The following INTS1 variants were observed in gnomAD, a reference collection of about 807,000 sequenced individuals.
The protein encoded by INTS1 is integrator complex subunit 1.
A neutral mutation model predicts 241.6 loss-of-function variants in INTS1; 137 were observed. That is an observed-to-expected ratio of 0.57 (90% CI 0.49 to 0.65). The LOEUF is 0.65. Among genes scored for constraint, INTS1 ranks in the 30% least tolerant of loss-of-function variants. The probability of loss-of-function intolerance (pLI) is 0.00; values close to 1 mark genes in which losing one functional copy is unlikely to be tolerated. For synonymous variants in INTS1, 1,692 were observed against 1,337.8 expected (o/e 1.26, Z -5.78); for missense variants, 3,073 against 3,032.2 (o/e 1.01, Z -0.32).
At chr7:1,499,772 C>A (rs1436375929) in intron 5 of INTS1, 112 bp downstream of exon 5, 1 of 1,466,958 alleles carries the variant, frequency 6.8e-7, no homozygotes. Flanking sequence ...GCCATCACCA[C>A]CAGGGCTGTC....
Position 1,495,470 on chromosome 7 carries a change from A to C in INTS1, c.1795T>G (p.Ser599Ala), listed in dbSNP as rs1011073731. Reference protein sequence around the residue: ...AVWWLHTVVPSISKLAPKDYV... With the variant: ...AVWWLHTVVPAISKLAPKDYV... ...TCCTTAGGGGCGAGCTTGCTGATGG[A>C]GGGGACCACAGTGTGGAGCCACCAG... The change falls in exon 13 of 48, where the codon TCC (serine) becomes GCC (alanine). Residue 599 changes from serine to alanine, a missense_variant. Transcript: ENST00000404767. 6.2e-7 allele frequency: 1 copy of C among 1,612,488 alleles called. No homozygotes were observed. The highest frequency in any genetic ancestry group is 8.5e-7 in the Non-Finnish European group (1 of 1,179,652).
chr7:1,480,932 A>G lies in INTS1; in HGVS notation c.3852T>C (p.Asn1284=). 1 of 1,576,162 alleles carries G rather than the reference A, an allele frequency of 6.3e-7. No homozygotes were observed. Among genetic ancestry groups the G allele is most frequent in the Non-Finnish European group, 8.6e-7 (1 of 1,161,940 alleles). ...QTLEQNIMDK[N]YMAHLVEVQH... is the part of the protein sequence containing the mutation. ...GGACCTCCACCAGGTGGGCCATGTAATCTGCAAACCGTAGCAGGGTCACAC... is the reference window on the plus strand; with the variant it reads ...GGACCTCCACCAGGTGGGCCATGTAGTCTGCAAACCGTAGCAGGGTCACAC... Residue 1284 remains asparagine (N), a splice_region_variant and synonymous_variant, in exon 29 of 48, where the codon AAT becomes AAC. Coordinates refer to ENST00000404767, the MANE Select transcript of INTS1 (RefSeq NM_001080453.3).
intron 8 of INTS1, 46 bp downstream of exon 8, chr7:1,498,929 T>TGCCCCCCCCCCCCCG: frequency 1.3e-6 from 2 of 1,482,472 alleles, no homozygotes; most frequent in Non-Finnish European, 1.8e-6. Flanking sequence ...ACACAGAGCC[T>TGCCCCCCCCCCCCCG]GCCCCCACCC....
chr7:1,489,527 T>C, intron 17 of INTS1, 64 bp downstream of exon 17: 1 of 1,524,138 alleles, frequency 6.6e-7, no homozygotes, highest in African/African-American at 1.4e-5. Context: ...ACAGACAAAC[T>C]GCCCCAAAGG....
Position 1,499,059 on chromosome 7 carries a change from C to G in INTS1, c.1053G>C (p.Leu351=), listed in dbSNP as rs776455689. 6.9e-6 allele frequency: 11 copies of G among 1,601,458 alleles called. No individual in the cohort carries two copies. The African/African-American group carries it at 1.5e-4, about 21-fold the overall frequency. The change falls in exon 8 of 48, where the codon CTG becomes CTC. Residue 351 remains leucine (L), a synonymous_variant. Coordinates refer to ENST00000404767, the MANE Select transcript of INTS1 (RefSeq NM_001080453.3). The part of the protein sequence containing the change: ...QPIDNVSRNL[L]RLLTSTCGYK... ...AGCCGCAGGTGGAGGTGAGGAGCCG[C>G]AGGAGGTTCCTGGAGACGTTGTCGA...
Position 1,486,731 on chromosome 7 carries a change from A to AGGTCCTGCAGGC in INTS1, c.2858_2869dup (p.Arg953_Asp956dup). 6.2e-7 allele frequency: 1 copy of AGGTCCTGCAGGC among 1,612,574 alleles called. No individual in the cohort carries two copies. The highest frequency in any genetic ancestry group is 2.2e-5 in the East Asian group (1 of 44,880). On this transcript the variant is annotated inframe_insertion, in exon 22 of 48. Coordinates refer to ENST00000404767, the MANE Select transcript of INTS1 (RefSeq NM_001080453.3). ...CTCATCAGCCTTCGGGCCCAGTAGC[A>AGGTCCTGCAGGC]GGTCCTGCAGGCGGCCCAGCAGCTG...
At position 1,499,314 on chromosome 7, in the gene INTS1, C is replaced by T. The variant is rs1386600742; in HGVS notation, c.891G>A (p.Thr297=). 3 of 1,605,066 alleles carry T rather than the reference C, an allele frequency of 1.9e-6. No homozygotes were observed. Among genetic ancestry groups the T allele is most frequent in the Non-Finnish European group, 8.5e-7 (1 of 1,175,992 alleles). The change falls in exon 7 of 48, where the codon ACG becomes ACA. Residue 297 remains threonine (T), a synonymous_variant. Coordinates refer to ENST00000404767, the MANE Select transcript of INTS1 (RefSeq NM_001080453.3). The part of the protein sequence containing the change: ...PSLTEEEDSQ[T]ELLIAEEKLS... ...GCTTCTCCTCCGCGATCAGCAACTCCGTCTGGCTGTCCTCCTCCTCCGTGA... is the reference window on the plus strand; with the variant it reads ...GCTTCTCCTCCGCGATCAGCAACTCTGTCTGGCTGTCCTCCTCCTCCGTGA...
At chr7:1,494,592 T>A in intron 14 of INTS1, 1 of 590,252 alleles carries the variant, frequency 1.7e-6, no homozygotes, top group Non-Finnish European at 3.0e-6. Flanking sequence ...GGGCTTGGAG[T>A]CACGTGGACG....
chr7:1,476,695 C>T (rs772903965), intron 36 of INTS1, 38 bp from the exon 37 acceptor site: 34 of 1,612,246 alleles, frequency 2.1e-5, no homozygotes, highest in African/African-American at 1.3e-4. Context: ...CGAGGTGTCT[C>T]GTCTCAGCAT....
chr7:1,473,325 G>T (rs1210939964), intron 42 of INTS1, 141 bp from the exon 43 acceptor site: 2 of 704,008 alleles, frequency 2.8e-6, no homozygotes, highest in East Asian at 2.7e-5. Context: ...AGGGCCGGGC[G>T]GGGAAGCCAC....
At chr7:1,472,124 C>A in intron 44 of INTS1, 149 bp downstream of exon 44, 1 of 643,878 alleles carries the variant, frequency 1.6e-6, no homozygotes, top group South Asian at 1.8e-5. Flanking sequence ...GGGGGTGCTC[C>A]CCACTGTGAG....
chr7:1,481,553 C>A lies in INTS1; in HGVS notation c.3704-65G>T. 4 of 1,518,096 alleles carry A rather than the reference C, an allele frequency of 2.6e-6. No individual in the cohort carries two copies. The highest frequency in any genetic ancestry group is 1.3e-5 in the South Asian group (1 of 79,566). 94.0% of individuals were successfully genotyped at this position (1,518,096 alleles called of 1,614,324 possible). A position where few individuals can be genotyped will look rare whatever the true frequency, so the allele number is the denominator to read the frequency against. ...GGCAATGCGCACTCGGGACCCCACCCGAGACCTGGGGCTGCCTGTGTGCAG... is the reference window on the plus strand; with the variant it reads ...GGCAATGCGCACTCGGGACCCCACCAGAGACCTGGGGCTGCCTGTGTGCAG... On this transcript the variant is annotated intron_variant, in intron 27 of 47. Coordinates refer to ENST00000404767, the MANE Select transcript of INTS1 (RefSeq NM_001080453.3). The surrounding 1 kb of genome is among the most constrained non-coding windows in gnomAD (Gnocchi z 6.8).
intron 18 of INTS1, 141 bp from the exon 19 acceptor site, chr7:1,488,098 C>T (rs765267910): frequency 2.8e-5 from 24 of 870,526 alleles, no homozygotes; most frequent in Non-Finnish European, 4.1e-5. Context: ...ACAGGGCGCC[C>T]GGTAGCATCC....
chr7:1,496,572 A>G (rs951545385), intron 11 of INTS1, among the ~76,000 whole-genome samples: 8 of 152,240 alleles, frequency 5.3e-5, no homozygotes, highest in African/African-American at 1.9e-4. Flanking sequence ...GCAGGGATCC[A>G]GAGAGAGAGC....
chr7:1,475,969 A>C lies in INTS1; in HGVS notation c.5481T>G (p.Ala1827=), dbSNP rs755042143. ...TCACCTTGCAGACGCTGCTGCTGGC[A>C]GCCCCTTCGCTGTGCAGTAGGACCT... The part of the protein sequence containing the change: ...VPEVLLHSEG[A]ASSSVCKLDG... The change falls in exon 39 of 48, where the codon GCT becomes GCG. Residue 1827 remains alanine, a synonymous_variant. Coordinates refer to ENST00000404767, the MANE Select transcript of INTS1 (RefSeq NM_001080453.3). 1 of 1,542,364 alleles carries C rather than the reference A, an allele frequency of 6.5e-7. No individual in the cohort carries two copies.
chr7:1,481,203 C>G lies in INTS1; in HGVS notation c.3850+139G>C. The G allele has an allele frequency of 9.9e-7, 1 of 1,006,012 alleles. No homozygotes were observed. The highest frequency in any genetic ancestry group is 1.5e-6 in the Non-Finnish European group (1 of 661,620). The allele number at this position is 1,006,012 out of a possible 1,614,324, so 62.3% of individuals were successfully genotyped here. ...GTGCCAGCCTCACCAACCCACAGGT[C>G]TAAGCCTGCCCTCGAGTGCCACCCA... is the stretch of plus-strand genomic sequence containing the variant. On this transcript the variant is annotated intron_variant, in intron 28 of 47. Transcript: ENST00000404767. This position sits in a 1 kb window ranked among gnomAD's most constrained non-coding sequence, Gnocchi z 6.8.
Position 1,474,198 on chromosome 7 carries a change from G to T in INTS1, c.5799C>A (p.Asp1933Glu). ...FRSEHQGALWDCLLSFIRLLL... is the reference protein window; with the variant it reads ...FRSEHQGALWECLLSFIRLLL... ...GCAGGCGGATGAAGGACAGAAGGCAGTCCCACAGCGCCCCCTGGTGCTCGC... is the reference window on the plus strand; with the variant it reads ...GCAGGCGGATGAAGGACAGAAGGCATTCCCACAGCGCCCCCTGGTGCTCGC... Residue 1933 changes from aspartate (D) to glutamate (E), a missense_variant, in exon 41 of 48, where the codon GAC becomes GAA. Physicochemically the swap from Asp to Glu is conservative, Grantham distance 45. Transcript: ENST00000404767. 1 of 1,587,504 alleles carries T rather than the reference G, an allele frequency of 6.3e-7. No individual in the cohort carries two copies. Among genetic ancestry groups the T allele is most frequent in the Non-Finnish European group, 8.6e-7 (1 of 1,169,326 alleles).
intron 3 of INTS1, among the ~76,000 whole-genome samples, chr7:1,501,916 C>T (rs184034295): frequency 5.1e-4 from 77 of 152,226 alleles, no homozygotes; most frequent in African/African-American, 1.6e-3. Flanking sequence ...CTCTGCTTGG[C>T]ATCTCCCTTT....
In INTS1 at chr7:1,493,090, C is replaced by A; in HGVS notation, c.2085G>T (p.Lys695Asn). Residue 695 changes from lysine (K) to asparagine (N), a missense_variant, in exon 16 of 48, where the codon AAG (lysine) becomes AAT (asparagine). By Grantham distance (94) the Lys-to-Asn change is moderately conservative. Coordinates refer to ENST00000404767, the MANE Select transcript of INTS1 (RefSeq NM_001080453.3). The surrounding 1 kb of genome is among the most constrained non-coding windows in gnomAD (Gnocchi z 5.3). ...AVQADDVEVLKVGRTQLIDAV... is the reference protein window; with the variant it reads ...AVQADDVEVLNVGRTQLIDAV... The stretch of plus-strand genomic sequence containing the variant: ...CGTCGATCAGCTGGGTCCTCCCCAC[C>A]TTCAGCACCTCCACATCTAAGACCA... The A allele has an allele frequency of 6.2e-7, 1 of 1,613,450 alleles. No homozygotes were observed. Among genetic ancestry groups the A allele is most frequent in the South Asian group, 1.1e-5 (1 of 91,076 alleles).
Sources: gnomAD v4.1 joint callset for allele counts (sites outside exome capture counted in the v4.1 genomes callset) on GRCh38, gnomAD v4.1.1 for gene constraint, Gnocchi (gnomAD v3.1) non-coding constraint, MANE v1.5 for transcripts, NCBI Gene and HGNC (gene_info 2026-07-23, HGNC 2026-07-21) for gene names.